Variants in CNTNAP2 observed in about 807,000 individuals in gnomAD.
CNTNAP2 encodes contactin-associated protein-like 2.
In CNTNAP2, 98 loss-of-function variants were observed where a neutral mutation model predicts 155.2. The ratio of observed to expected loss-of-function variants is 0.63; its 90% CI spans 0.54 to 0.75. CNTNAP2 has a LOEUF of 0.75. CNTNAP2 is among the 30% of genes least tolerant of loss of function. CNTNAP2 has a pLI of 0.00. For missense variants in CNTNAP2, 1,727 were observed against 1,688.1 expected (o/e 1.02, Z -0.40); for synonymous variants, 651 against 631.2 (o/e 1.03, Z -0.47).
At chr7:146,612,440 A>G (rs1799154089) in intron 1 of CNTNAP2, among the ~76,000 whole-genome samples, 1 of 152,166 alleles carries the variant, frequency 6.6e-6, no homozygotes, top group South Asian at 2.1e-4. Context: ...TTACTTTAAA[A>G]GTATTTAAAA....
intron 10 of CNTNAP2, among the ~76,000 whole-genome samples, chr7:147,445,818 G>A (rs747482699): frequency 4.6e-5 from 7 of 151,040 alleles, no homozygotes; most frequent in Non-Finnish European, 5.9e-5. Flanking sequence ...TTTTGGAGAC[G>A]GGGTCTTGCT....
chr7:148,141,556 C>G (rs2116644199), intron 16 of CNTNAP2, among the ~76,000 whole-genome samples: 1 of 152,292 alleles, frequency 6.6e-6, no homozygotes, highest in Non-Finnish European at 1.5e-5. Context: ...TTCATCCTTT[C>G]ATTCATTCAC....
intron 1 of CNTNAP2, among the ~76,000 whole-genome samples, chr7:146,764,941 G>A (rs775538098): frequency 1.3e-5 from 2 of 151,954 alleles, no homozygotes; most frequent in Non-Finnish European, 2.9e-5. Context: ...GACTTCCTAT[G>A]GTGTGCCCTA....
chr7:148,157,425 A>G (rs1343919187), intron 17 of CNTNAP2, among the ~76,000 whole-genome samples: 2 of 152,176 alleles, frequency 1.3e-5, no homozygotes, highest in Admixed American at 6.5e-5. Context: ...AAATTAGATC[A>G]TCTCCTTTCC....
chr7:148,405,257 G>A (rs1326269422), intron 22 of CNTNAP2, among the ~76,000 whole-genome samples: 1 of 152,056 alleles, frequency 6.6e-6, no homozygotes, highest in African/African-American at 2.4e-5. Flanking sequence ...CCTATGCCAA[G>A]GAGTTCAGAT....
chr7:147,841,033 A>T (rs1017987090), intron 13 of CNTNAP2, among the ~76,000 whole-genome samples: 2 of 152,190 alleles, frequency 1.3e-5, no homozygotes, highest in South Asian at 2.1e-4. Flanking sequence ...TTCAGCAAAG[A>T]TTATTTCAGC....
At chr7:146,430,279 C>T (rs1373128959) in intron 1 of CNTNAP2, among the ~76,000 whole-genome samples, 1 of 151,650 alleles carries the variant, frequency 6.6e-6, no homozygotes, top group Admixed American at 6.6e-5. Flanking sequence ...TAATAATGCA[C>T]ATGTCCAAAT....
intron 1 of CNTNAP2, among the ~76,000 whole-genome samples, chr7:146,176,696 G>A (rs1157110665): frequency 6.6e-6 from 1 of 151,960 alleles, no homozygotes; most frequent in Non-Finnish European, 1.5e-5. Flanking sequence ...GAAATGATAC[G>A]GCTAAGTTCC....
intron 3 of CNTNAP2, among the ~76,000 whole-genome samples, chr7:146,880,025 C>T (rs990346531): frequency 7.2e-5 from 11 of 151,980 alleles, no homozygotes; most frequent in Non-Finnish European, 2.9e-5. Flanking sequence ...ACCATGAGAA[C>T]AGTATGTGGG....
chr7:148,282,034 A>G (rs754954462), intron 21 of CNTNAP2, among the ~76,000 whole-genome samples: 23 of 152,138 alleles, frequency 1.5e-4, no homozygotes, highest in Non-Finnish European at 2.5e-4. Context: ...CACATGAGCC[A>G]GGATGGTCTC....
At chr7:147,566,802 A>T (rs1800181824) in intron 12 of CNTNAP2, among the ~76,000 whole-genome samples, 1 of 152,200 alleles carries the variant, frequency 6.6e-6, no homozygotes, top group Non-Finnish European at 1.5e-5. Context: ...TTACTCAATA[A>T]TTCAATAGAG....
At chr7:147,425,675 G>T (rs1246472636) in intron 10 of CNTNAP2, among the ~76,000 whole-genome samples, 1 of 152,132 alleles carries the variant, frequency 6.6e-6, no homozygotes, top group East Asian at 1.9e-4. Flanking sequence ...TGTTGATAAA[G>T]AATGCTTCTA....
intron 13 of CNTNAP2, among the ~76,000 whole-genome samples, chr7:147,784,278 A>G (rs1797699237): frequency 1.3e-5 from 2 of 150,994 alleles, no homozygotes; most frequent in South Asian, 2.1e-4. Flanking sequence ...TTTGGAAGAC[A>G]CTATTCAACC....
intron 1 of CNTNAP2, among the ~76,000 whole-genome samples, chr7:146,322,958 A>G (rs1454668748): frequency 6.6e-6 from 1 of 151,968 alleles, no homozygotes; most frequent in Non-Finnish European, 1.5e-5. Context: ...ACAAAATATT[A>G]TCTTTCAGAT....
At chr7:147,952,005 A>G (rs1717131339) in intron 14 of CNTNAP2, among the ~76,000 whole-genome samples, 1 of 151,932 alleles carries the variant, frequency 6.6e-6, no homozygotes, top group Non-Finnish European at 1.5e-5. Context: ...CATGGCCCCA[A>G]TTTTAGAAAC....
chr7:147,565,303 A>G (rs1800148951), intron 12 of CNTNAP2, among the ~76,000 whole-genome samples: 1 of 152,158 alleles, frequency 6.6e-6, no homozygotes, highest in Non-Finnish European at 1.5e-5. Context: ...AAAATAAAGC[A>G]GGGGAAAGGT....
chr7:147,057,022 A>G (rs375847959), intron 4 of CNTNAP2, among the ~76,000 whole-genome samples: 3 of 149,922 alleles, frequency 2.0e-5, no homozygotes, highest in African/African-American at 7.4e-5. Context: ...TTGGTTTTAG[A>G]CTCCTGGGCT....
intron 21 of CNTNAP2, among the ~76,000 whole-genome samples, chr7:148,348,556 C>T (rs552284915): frequency 9.2e-5 from 14 of 152,212 alleles, no homozygotes; most frequent in Admixed American, 2.6e-4. Flanking sequence ...TCACGGAGGA[C>T]GAGGTGACAG....
intron 1 of CNTNAP2, among the ~76,000 whole-genome samples, chr7:146,119,512 G>C (rs1047321371): frequency 1.9e-4 from 29 of 152,110 alleles, no homozygotes; most frequent in African/African-American, 6.8e-4. Flanking sequence ...CTGCTGAGCT[G>C]ATGTAACAAA....
Sources: allele counts gnomAD v4.1 joint callset (sites outside exome capture counted in the v4.1 genomes callset), GRCh38; gene constraint gnomAD v4.1.1; transcripts MANE v1.5; gene names NCBI Gene and HGNC (gene_info 2026-07-23, HGNC 2026-07-21).